Variants in SLC35F5 observed in about 807,000 individuals in gnomAD.
SLC35F5 encodes the protein solute carrier family 35 member F5, also known as HCV NS5A-transactivated protein 3.
Under a neutral mutation model 68.6 loss-of-function variants are expected in SLC35F5, and 54 were observed. The observed-to-expected ratio is 0.79, with a 90% CI of 0.63 to 0.99. SLC35F5 has a LOEUF of 0.99. SLC35F5 is among the 50% of genes least tolerant of loss of function. SLC35F5 has a pLI of 0.00. For missense variants in SLC35F5, 567 were observed against 626.9 expected (o/e 0.90, Z 1.02); for synonymous variants, 211 against 205.2 (o/e 1.03, Z -0.24).
At chr2:113,703,109 C>T (rs988960310), downstream of SLC35F5, among the ~76,000 whole-genome samples, 1 of 139,230 alleles carries the variant, frequency 7.2e-6, no homozygotes, top group Non-Finnish European at 1.6e-5. Context: ...GACCCCATCT[C>T]AAAAAAATAA....
intron 3 of SLC35F5, among the ~76,000 whole-genome samples, chr2:113,754,294 CAA>C: frequency 1.1e-5 from 1 of 87,326 alleles, no homozygotes; most frequent in Admixed American, 1.3e-4. Flanking sequence ...GACTCCATCT[CAA>C]AAAAAAAAGA....
chr2:113,725,033 G>A (rs1274111006), intron 12 of SLC35F5, among the ~76,000 whole-genome samples: 2 of 152,106 alleles, frequency 1.3e-5, no homozygotes, highest in African/African-American at 4.8e-5. Context: ...ACTCATACTT[G>A]GCATACATAC....
intron 3 of SLC35F5, among the ~76,000 whole-genome samples, chr2:113,752,571 T>C (rs1180189854): frequency 6.6e-6 from 1 of 151,960 alleles, no homozygotes; most frequent in Non-Finnish European, 1.5e-5. Flanking sequence ...AAATAACAAG[T>C]TAAATGATAC....
chr2:113,746,819 C>T (rs559497395), intron 4 of SLC35F5, among the ~76,000 whole-genome samples: 3 of 151,466 alleles, frequency 2.0e-5, no homozygotes, highest in South Asian at 4.2e-4. Flanking sequence ...CTTAGCTACT[C>T]GGGAGGCTGA....
At chr2:113,728,032 C>T (rs1687735630) in intron 11 of SLC35F5, among the ~76,000 whole-genome samples, 1 of 152,112 alleles carries the variant, frequency 6.6e-6, no homozygotes, top group South Asian at 2.1e-4. Flanking sequence ...TACTCTGTTA[C>T]CCAGGCTAGA....
Position 113,718,931 on chromosome 2 carries a change from GAAAGGAAGA to G in SLC35F5, c.1496+214_1496+222del, listed in dbSNP as rs1559318551. Among the ~76,000 whole-genome samples the G allele has an allele frequency of 1.2e-4, 13 of 110,970 alleles. No homozygotes were observed. In the South Asian group the frequency reaches 1.4e-3, roughly 12 times the overall value. 72.8% of individuals were successfully genotyped at this position (110,970 alleles called of 152,430 possible). A position where few individuals can be genotyped will look rare whatever the true frequency, so the allele number is the denominator to read the frequency against. ...AAAGAAAGAAAGAAAGAAAGAAAAA[GAAAGGAAGA>G]AAGGAAGGAAGGAAGAAAGAAAGAA... On this transcript the variant is annotated intron_variant, in intron 14 of 15. Transcript: ENST00000245680.
In SLC35F5 at chr2:113,723,092, T is replaced by G; in HGVS notation, c.1341+12A>C. 1 of 1,520,172 alleles carries G rather than the reference T, an allele frequency of 6.6e-7. No homozygotes were observed. The highest frequency in any genetic ancestry group is 2.1e-5 in the Admixed American group (1 of 47,956). 94.2% of individuals were successfully genotyped at this position (1,520,172 alleles called of 1,614,324 possible). On this transcript the variant is annotated intron_variant, in intron 13 of 15. Coordinates refer to ENST00000245680, the MANE Select transcript of SLC35F5 (RefSeq NM_025181.5). ...ACCTAAAATATCTATGAATAATAAA[T>G]AGTTTCCTTACCTTTTGCATACACA...
intron 11 of SLC35F5, among the ~76,000 whole-genome samples, chr2:113,726,321 A>G (rs1687663638): frequency 6.6e-6 from 1 of 152,218 alleles, no homozygotes; most frequent in African/African-American, 2.4e-5. Context: ...GCACTTAATA[A>G]AAGTTAGCTA....
At chr2:113,747,786 C>T in intron 4 of SLC35F5, among the ~76,000 whole-genome samples, 1 of 152,102 alleles carries the variant, frequency 6.6e-6, no homozygotes, top group Non-Finnish European at 1.5e-5. Context: ...ATAAGAATTA[C>T]AAGCTTTAAA....
chr2:113,745,893 T>C (rs1400429180), intron 5 of SLC35F5, among the ~76,000 whole-genome samples: 2 of 152,174 alleles, frequency 1.3e-5, no homozygotes. Flanking sequence ...TTAACACAGA[T>C]TTGTCACTGT....
rs1686813347 is a variant in SLC35F5, at chr2:113,706,894, A to G, written c.*8324T>C. Among the ~76,000 whole-genome samples, 2 of 152,224 alleles carry G rather than the reference A, an allele frequency of 1.3e-5. No homozygotes were observed. The highest frequency in any genetic ancestry group is 1.3e-4 in the Admixed American group (2 of 15,278). On this transcript the variant is annotated 3_prime_UTR_variant, in exon 16 of 16. Coordinates refer to ENST00000245680, the MANE Select transcript of SLC35F5 (RefSeq NM_025181.5). ...TCACAAATCTTATATTTGGTTATCC[A>G]CAGTCTATAAAATAATGTTCCCAAA...
rs1037292095 is a variant in SLC35F5, at chr2:113,714,834, AT to A, written c.*383del. On this transcript the variant is annotated 3_prime_UTR_variant, in exon 16 of 16. Transcript: ENST00000245680. The stretch of plus-strand genomic sequence containing the variant: ...ATACTGGTCTATGAACACTTAAGTG[AT>A]TTCTTGAAAACATTTTCATAATATA... 5.9e-5 allele frequency: 9 copies of A among 152,734 alleles called. No individual in the cohort carries two copies. The East Asian group carries it at 1.7e-3, about 29-fold the overall frequency. The allele number at this position is 152,734 out of a possible 1,614,324, so 9.5% of individuals were successfully genotyped here.
chr2:113,742,656 C>T, intron 7 of SLC35F5, 36 bp downstream of exon 7: 1 of 1,603,628 alleles, frequency 6.2e-7, no homozygotes, highest in Non-Finnish European at 8.5e-7. Flanking sequence ...ATTCAAGTTT[C>T]AAACATCATA....
intron 4 of SLC35F5, among the ~76,000 whole-genome samples, chr2:113,749,743 G>A (rs1349192235): frequency 6.6e-6 from 1 of 152,072 alleles, no homozygotes; most frequent in South Asian, 2.1e-4. Context: ...AAGTCAATGC[G>A]CTTAATGCCA....
At chr2:113,738,834 T>C (rs1312320946) in intron 7 of SLC35F5, among the ~76,000 whole-genome samples, 3 of 152,130 alleles carry the variant, frequency 2.0e-5, no homozygotes, top group Non-Finnish European at 1.5e-5. Context: ...GTATAATGCA[T>C]ACTGGGTTTA....
rs568356416 is a variant in SLC35F5 at position 113,740,688 on chromosome 2, G to A, written c.750+2004C>T. Among the ~76,000 whole-genome samples the A allele has an allele frequency of 1.4e-4, 21 of 151,924 alleles. No individual in the cohort carries two copies. The South Asian group carries it at 4.0e-3, about 29-fold the overall frequency. Reference sequence around the variant, plus strand: ...GTCGCCCAGGCTGGAGTACGGTGGCGCCGTATCGGCTCACTGCAACCTCCA... The same window carrying A: ...GTCGCCCAGGCTGGAGTACGGTGGCACCGTATCGGCTCACTGCAACCTCCA... On this transcript the variant is annotated intron_variant, in intron 7 of 15. Transcript: ENST00000245680.
intron 11 of SLC35F5, among the ~76,000 whole-genome samples, chr2:113,727,540 C>T (rs1687710371): frequency 6.6e-6 from 1 of 152,142 alleles, no homozygotes; most frequent in African/African-American, 2.4e-5. Context: ...GACCTAGAGA[C>T]AAAAGTCCCA....
At position 113,755,306 on chromosome 2, in the gene SLC35F5, T is replaced by A; in HGVS notation, c.132A>T (p.Arg44Ser). 1 of 1,613,782 alleles carries A rather than the reference T, an allele frequency of 6.2e-7. No individual in the cohort carries two copies. Among genetic ancestry groups the A allele is most frequent in the Non-Finnish European group, 8.5e-7 (1 of 1,179,766 alleles). ...TGACAAATACACACACCATTTGCAG[T>A]CTGTTTTTTAGAAAATACAGATCAC... The part of the protein sequence containing the change: ...LEDLRRALKT[R>S]LQMVCVFVMN... Residue 44 changes from arginine to serine, a missense_variant and splice_region_variant, in exon 3 of 16, where the codon AGA (arginine) becomes AGT (serine). Transcript: ENST00000245680.
At chr2:113,744,977 T>G (rs1274241787) in intron 5 of SLC35F5, among the ~76,000 whole-genome samples, 1 of 152,186 alleles carries the variant, frequency 6.6e-6, no homozygotes. Flanking sequence ...ACAGAACTTT[T>G]TTTTATTTCT....
Sources: allele counts gnomAD v4.1 joint callset (sites outside exome capture counted in the v4.1 genomes callset), GRCh38; gene constraint gnomAD v4.1.1; transcripts MANE v1.5; gene names NCBI Gene and HGNC (gene_info 2026-07-23, HGNC 2026-07-21).